RIMS1: variants seen among roughly 807,000 people sequenced by gnomAD.
The protein encoded by RIMS1 is regulating synaptic membrane exocytosis 1.
RIMS1 carries 83 observed loss-of-function variants against 214.1 expected under a neutral mutation model. That is an observed-to-expected ratio of 0.39 (90% CI 0.32 to 0.47). The LOEUF (loss-of-function observed/expected upper bound fraction) is 0.47. Ranked by LOEUF, RIMS1 falls within the 20% of genes least tolerant of loss-of-function variation. The pLI, the probability that RIMS1 is intolerant of heterozygous loss-of-function variation, is 0.99. For missense variants in RIMS1, 2,050 were observed against 2,161.8 expected (o/e 0.95, Z 1.03); for synonymous variants, 793 against 786.8 (o/e 1.01, Z -0.13).
intron 1 of RIMS1, among the ~76,000 whole-genome samples, chr6:71,922,045 C>T (rs969080890): frequency 6.6e-6 from 1 of 152,164 alleles, no homozygotes; most frequent in African/African-American, 2.4e-5. Flanking sequence ...ACTCACCCAG[C>T]TTCGGTCTAT....
chr6:71,897,571 C>A (rs1182050741), intron 1 of RIMS1, among the ~76,000 whole-genome samples: 1 of 152,136 alleles, frequency 6.6e-6, no homozygotes, highest in East Asian at 1.9e-4. Context: ...TTTTACCTAG[C>A]CTTTTGAATT....
rs921889672 is a variant in RIMS1, at chr6:72,250,399, G to A, written c.2311G>A (p.Ala771Thr). The A allele has an allele frequency of 3.1e-6, 5 of 1,600,538 alleles. No homozygotes were observed. The highest frequency in any genetic ancestry group is 4.3e-6 in the Non-Finnish European group (5 of 1,168,906). ...VNVLQATDLPARVDGRPRNPY... is the reference protein window; with the variant it reads ...VNVLQATDLPTRVDGRPRNPY... ...TGTTCTGCAAGCAACAGATCTACCTGCTAGAGTAGATGGACGTCCTCGAAA... is the reference window on the plus strand; with the variant it reads ...TGTTCTGCAAGCAACAGATCTACCTACTAGAGTAGATGGACGTCCTCGAAA... The change falls in exon 13 of 34, where the codon GCT becomes ACT. Residue 771 changes from alanine to threonine, a missense_variant. Around this residue, in one of 6 missense-constraint regions of RIMS1, gnomAD observed 889 missense variants for 885.5 expected, o/e 1.00. Coordinates refer to ENST00000521978, the MANE Select transcript of RIMS1 (RefSeq NM_014989.7).
chr6:72,234,362 G>T (rs1289949056), intron 7 of RIMS1, among the ~76,000 whole-genome samples: 1 of 151,906 alleles, frequency 6.6e-6, no homozygotes, highest in Non-Finnish European at 1.5e-5. Context: ...GTGTCTATAG[G>T]AAAGAAAGCA....
Position 71,924,786 on chromosome 6 carries a change from A to C in RIMS1, c.164+37599A>C, listed in dbSNP as rs1781098943. On this transcript the variant is annotated intron_variant, in intron 1 of 33. Coordinates refer to ENST00000521978, the MANE Select transcript of RIMS1 (RefSeq NM_014989.7). ...CGTGCCACCACACTGCAGCCTGAGC[A>C]ACAGAGCAAGACCCTGTCTCCAAAA... Among the ~76,000 whole-genome samples, 3 of 146,686 alleles carry C rather than the reference A, an allele frequency of 2.0e-5. No individual in the cohort carries two copies. The Admixed American group carries it at 2.1e-4, about 10-fold the overall frequency.
At chr6:72,162,024 G>A (rs1435434977) in intron 4 of RIMS1, among the ~76,000 whole-genome samples, 2 of 140,500 alleles carry the variant, frequency 1.4e-5, no homozygotes, top group East Asian at 4.0e-4. Context: ...GGGAGTCTAA[G>A]TCTCTTTGTA....
intron 1 of RIMS1, among the ~76,000 whole-genome samples, chr6:71,920,174 C>G (rs1428781072): frequency 6.6e-6 from 1 of 152,164 alleles, no homozygotes; most frequent in African/African-American, 2.4e-5. Flanking sequence ...ATGAGTCTTT[C>G]AGAGAAGATT....
chr6:72,127,874 A>G (rs1426662706), intron 4 of RIMS1, among the ~76,000 whole-genome samples: 2 of 152,224 alleles, frequency 1.3e-5, no homozygotes, highest in Admixed American at 6.5e-5. Flanking sequence ...CTTACATACA[A>G]CCAAGTAGGT....
intron 4 of RIMS1, among the ~76,000 whole-genome samples, chr6:72,102,359 G>C (rs374955356): frequency 5.8e-4 from 88 of 151,898 alleles, no homozygotes; most frequent in African/African-American, 2.0e-3. Context: ...ATAAATGTTA[G>C]CATTACTCTG....
At chr6:72,224,673 C>T (rs1224630657) in intron 6 of RIMS1, among the ~76,000 whole-genome samples, 4 of 152,144 alleles carry the variant, frequency 2.6e-5, no homozygotes, top group African/African-American at 7.2e-5. Flanking sequence ...CCGACATTAA[C>T]GTAGTTTGCT....
At chr6:72,165,318 T>G (rs193279439) in intron 4 of RIMS1, among the ~76,000 whole-genome samples, 197 of 152,340 alleles carry the variant, frequency 1.3e-3, no homozygotes, top group South Asian at 6.4e-3. Context: ...AATTTTCATT[T>G]CTTTTATGTA....
At chr6:72,302,448 A>C (rs902270862) in intron 26 of RIMS1, among the ~76,000 whole-genome samples, 3 of 151,680 alleles carry the variant, frequency 2.0e-5, no homozygotes, top group Non-Finnish European at 4.4e-5. Flanking sequence ...TATAGTCTAT[A>C]CTGATTCAAT....
chr6:72,295,578 A>C (rs2093982543), intron 26 of RIMS1, among the ~76,000 whole-genome samples: 1 of 151,750 alleles, frequency 6.6e-6, no homozygotes, highest in African/African-American at 2.4e-5. Flanking sequence ...TTTCCAAAAA[A>C]AATCACAATG....
intron 29 of RIMS1, among the ~76,000 whole-genome samples, chr6:72,357,620 T>C (rs1302319373): frequency 6.6e-6 from 1 of 152,212 alleles, no homozygotes; most frequent in East Asian, 1.9e-4. Flanking sequence ...GGCATTGGAT[T>C]CTACAGGGTC....
intron 4 of RIMS1, among the ~76,000 whole-genome samples, chr6:72,176,551 G>T (rs1056744084): frequency 1.3e-5 from 2 of 152,014 alleles, no homozygotes; most frequent in African/African-American, 4.8e-5. Flanking sequence ...AGACTGGGAG[G>T]TGATATTTTG....
rs1222564699 is a variant in RIMS1 at position 72,271,286 on chromosome 6, A to AATATATATATATATATAT, written c.3399-3050_3399-3033dup. Among the ~76,000 whole-genome samples, 83 of 44,278 alleles carry AATATATATATATATATAT rather than the reference A, an allele frequency of 1.9e-3. 2 individuals carry two copies. Among genetic ancestry groups the AATATATATATATATATAT allele is most frequent in the South Asian group, 5.4e-3 (6 of 1,116 alleles). 29.0% of individuals were successfully genotyped at this position (44,278 alleles called of 152,430 possible). ...ATCTCAAGGAAAAAAAAAAAAAAAA[A>AATATATATATATATATAT]ATATATATATATATATATATATATA... is the stretch of plus-strand genomic sequence containing the variant. On this transcript the variant is annotated intron_variant, in intron 22 of 33. Transcript: ENST00000521978.
At chr6:72,044,100 T>G (rs1359732080) in intron 2 of RIMS1, among the ~76,000 whole-genome samples, 4 of 151,734 alleles carry the variant, frequency 2.6e-5, no homozygotes, top group Non-Finnish European at 5.9e-5. Context: ...AATAGGTTTT[T>G]TAATTAAGTG....
intron 1 of RIMS1, among the ~76,000 whole-genome samples, chr6:71,935,447 A>G (rs1019283049): frequency 6.6e-6 from 1 of 152,228 alleles, no homozygotes; most frequent in African/African-American, 2.4e-5. Context: ...TTTGATAAGA[A>G]AAAAACAAAA....
chr6:72,236,783 T>TAAAAAAAA (rs11326772), intron 8 of RIMS1, among the ~76,000 whole-genome samples: 1 of 128,516 alleles, frequency 7.8e-6, no homozygotes, highest in Non-Finnish European at 1.6e-5. Flanking sequence ...GCTGATGAGC[T>TAAAAAAAA]AAAAAAAAAA....
intron 1 of RIMS1, among the ~76,000 whole-genome samples, chr6:71,949,802 T>G (rs1400896240): frequency 6.6e-6 from 1 of 152,194 alleles, no homozygotes; most frequent in Non-Finnish European, 1.5e-5. Flanking sequence ...GAGAACAGTT[T>G]GACAGTTTCT....
Sources: gnomAD v4.1 joint callset for allele counts (sites outside exome capture counted in the v4.1 genomes callset) on GRCh38, gnomAD v4.1.1 for gene constraint, gnomAD v4.1.1 regional missense constraint, MANE v1.5 for transcripts, NCBI Gene and HGNC (gene_info 2026-07-23, HGNC 2026-07-21) for gene names.